The following HRNR variants were observed in gnomAD, a reference collection of about 807,000 sequenced individuals.
HRNR encodes the protein filaggrin family member 3.
HRNR carries 7 observed loss-of-function variants against 4.8 expected under a neutral mutation model. That is an observed-to-expected ratio of 1.47 (90% CI 0.83 to 2.75). The LOEUF (loss-of-function observed/expected upper bound fraction) is 2.75, where lower values mean the gene tolerates loss of function less well. HRNR is among the 30% of genes most tolerant of loss of function. HRNR has a pLI of 0.00. For missense variants in HRNR, 2,879 were observed against 3,010.4 expected, an observed-to-expected ratio of 0.96 and a Z score of 1.02; for synonymous variants, 1,023 against 1,242.7, an observed-to-expected ratio of 0.82 and a Z score of 3.72.
chr1:152,219,924 A>G lies in HRNR; in HGVS notation c.1705T>C (p.Ser569Pro), dbSNP rs756018795. Reference protein sequence around the residue: ...GPHGYGSGRSSSRGPYESGSG... With the variant: ...GPHGYGSGRSPSRGPYESGSG... ...CCAGACTCATATGGGCCACGGCTTG[A>G]AGACCTCCCTGAGCCATACCCATGT... The change falls in exon 3 of 3, where the codon TCA becomes CCA. Residue 569 changes from serine to proline, a missense_variant. This residue lies in a region of HRNR where 2,646 missense variants were observed against 1,377.7 expected (regional missense o/e 1.92). Coordinates refer to ENST00000368801, the MANE Select transcript of HRNR (RefSeq NM_001009931.3). The G allele has an allele frequency of 2.5e-6, 4 of 1,613,206 alleles. No individual in the cohort carries two copies. Among genetic ancestry groups the G allele is most frequent in the South Asian group, 1.1e-5 (1 of 91,018 alleles).
At position 152,220,914 on chromosome 1, in the gene HRNR, C is replaced by G. The variant is rs187389918; in HGVS notation, c.715G>C (p.Gly239Arg). The change falls in exon 3 of 3, where the codon GGG becomes CGG. Residue 239 changes from glycine (G) to arginine (R), a missense_variant. Physicochemically the swap from Gly to Arg is moderately radical, Grantham distance 125. Around this residue, in one of 8 missense-constraint regions of HRNR, gnomAD observed 2,646 missense variants for 1,377.7 expected, o/e 1.92. Transcript: ENST00000368801. ...TGCTGACTGTAACCAGAGGACTGCCCTGAGCTAGACTTGTGTTGACTAAAG... is the reference window on the plus strand; with the variant it reads ...TGCTGACTGTAACCAGAGGACTGCCGTGAGCTAGACTTGTGTTGACTAAAG... ...SGFSQHKSSS[G>R]QSSGYSQHGS... 2.0e-4 allele frequency: 320 copies of G among 1,614,146 alleles called. 1 individual carries two copies. In the Middle Eastern group the frequency reaches 4.9e-3, roughly 25 times the overall value.
rs368119852 is a variant in HRNR at position 152,223,137 on chromosome 1, A to G, written c.117T>C (p.Asn39=). Residue 39 remains asparagine (N), a synonymous_variant, in exon 2 of 3, where the codon AAT becomes AAC. Coordinates refer to ENST00000368801, the MANE Select transcript of HRNR (RefSeq NM_001009931.3). ...NKAELKELLE[N]EFHQILKNPN... ...TTACCTTCAGAATTTGATGAAACTC[A>G]TTTTCCAGAAGTTCTTTCAGCTCTG... The G allele has an allele frequency of 1.9e-6, 3 of 1,613,650 alleles. No homozygotes were observed. The highest frequency in any genetic ancestry group is 2.7e-5 in the African/African-American group (2 of 75,012).
chr1:152,221,056 G>A lies in HRNR; in HGVS notation c.573C>T (p.Gly191=), dbSNP rs375846138. 1.9e-6 allele frequency: 3 copies of A among 1,613,324 alleles called. No individual in the cohort carries two copies. In the African/African-American group the frequency reaches 4.0e-5, roughly 22 times the overall value. ...EQNSDSHQSS[G]RGQCGSGSGQ... is the part of the protein sequence containing the mutation. ...CTGACCCAGACCCACATTGGCCGCG[G>A]CCTGAAGACTGATGGGAGTCGGAGT... Residue 191 remains glycine (G), a synonymous_variant, in exon 3 of 3, where the codon GGC becomes GGT. Transcript: ENST00000368801.
In HRNR at chr1:152,213,174, G is replaced by A. The variant is rs768345595; in HGVS notation, c.8455C>T (p.His2819Tyr). Residue 2819 changes from histidine to tyrosine, a missense_variant, in exon 3 of 3, where the codon CAT (histidine) becomes TAT (tyrosine). This residue lies in a region of HRNR where 158 missense variants were observed against 107.6 expected (regional missense o/e 1.47). Transcript: ENST00000368801. ...GYSYCKGGSNHDGGSSGSYFL... is the reference protein window; with the variant it reads ...GYSYCKGGSNYDGGSSGSYFL... ...TATGAGCCAGAACTTCCCCCATCATGGTTACTTCCTCCTTTGCAATAAGAA... is the reference window on the plus strand; with the variant it reads ...TATGAGCCAGAACTTCCCCCATCATAGTTACTTCCTCCTTTGCAATAAGAA... The A allele has an allele frequency of 1.2e-6, 2 of 1,614,064 alleles. No individual in the cohort carries two copies. The highest frequency in any genetic ancestry group is 4.5e-5 in the East Asian group (2 of 44,894).
chr1:152,220,220 G>A lies in HRNR; in HGVS notation c.1409C>T (p.Ser470Phe). The part of the protein sequence containing the change: ...GYSSGFGHHE[S>F]SSEHSSGYTQ... ...GTAACCAGAGGAATGCTCTGAGCTA[G>A]ACTCGTGGTGACCAAAGCCAGAAGA... The change falls in exon 3 of 3, where the codon TCT becomes TTT. Residue 470 changes from serine (S) to phenylalanine (F), a missense_variant. Around this residue, in one of 8 missense-constraint regions of HRNR, gnomAD observed 2,646 missense variants for 1,377.7 expected, o/e 1.92. Coordinates refer to ENST00000368801, the MANE Select transcript of HRNR (RefSeq NM_001009931.3). 6.2e-7 allele frequency: 1 copy of A among 1,613,922 alleles called. No homozygotes were observed. The highest frequency in any genetic ancestry group is 8.5e-7 in the Non-Finnish European group (1 of 1,179,854).
rs764393559 is a variant in HRNR at position 152,218,721 on chromosome 1, T to C, written c.2908A>G (p.Ser970Gly). Reference protein sequence around the residue: ...HGSRSGQSSRSEQHGSSSGSS... With the variant: ...HGSRSGQSSRGEQHGSSSGSS... ...CCTGAGCTAGATCCATGTTGTTCGC[T>C]CCTAGATGACTGTCCTGACCTAGAG... Residue 970 changes from serine to glycine, a missense_variant, in exon 3 of 3, where the codon AGC (serine) becomes GGC (glycine). Transcript: ENST00000368801. The C allele has an allele frequency of 2.8e-5, 45 of 1,611,410 alleles. No homozygotes were observed. Among genetic ancestry groups the C allele is most frequent in the East Asian group, 1.8e-4 (8 of 44,596 alleles).
rs2101593825 is a variant in HRNR, at chr1:152,219,229, A to T, written c.2400T>A (p.Cys800Ter). 6.2e-7 allele frequency: 1 copy of T among 1,612,938 alleles called. No homozygotes were observed. The highest frequency in any genetic ancestry group is 8.5e-7 in the Non-Finnish European group (1 of 1,179,718). ...ACTCATAATGGCCACAGCTGGAAGA[A>T]CAACTTGTGCCAGACCCGTGTTGGC... ...SHGQHGSGTS[C>*]SSSCGHYESG... The change falls in exon 3 of 3, where the codon TGT becomes TGA. Residue 800 changes from cysteine to a stop codon, truncating the protein, a stop_gained. Coordinates refer to ENST00000368801, the MANE Select transcript of HRNR (RefSeq NM_001009931.3). LOFTEE classifies it low-confidence loss of function (END_TRUNC).
rs566404141 is a variant in HRNR, at chr1:152,212,814, C to G, written c.*262G>C. On this transcript the variant is annotated 3_prime_UTR_variant, in exon 3 of 3. Transcript: ENST00000368801. ...GCTCTTTAAAAGCTTTTCATTATTC[C>G]TCAAAGTTTAACCCTCATTCTAACA... 1 of 524,448 alleles carries G rather than the reference C, an allele frequency of 1.9e-6. No homozygotes were observed. The highest frequency in any genetic ancestry group is 3.3e-6 in the Non-Finnish European group (1 of 303,158). 32.5% of individuals were successfully genotyped at this position (524,448 alleles called of 1,614,324 possible).
chr1:152,221,242 A>T lies in HRNR; in HGVS notation c.387T>A (p.His129Gln), dbSNP rs1455636570. ...CATTCTCTCCTGCACTCCAACTTGA[A>T]TGACTAAAAGAGGATTCTTGCCGTT... ...ENKRQESSFS[H>Q]SSWSAGENDS... Residue 129 changes from histidine to glutamine, a missense_variant, in exon 3 of 3, where the codon CAT (histidine) becomes CAA (glutamine). Physicochemically the swap from His to Gln is conservative, Grantham distance 24. Around this residue, in one of 8 missense-constraint regions of HRNR, gnomAD observed 2,646 missense variants for 1,377.7 expected, o/e 1.92. Transcript: ENST00000368801. The T allele has an allele frequency of 1.2e-6, 2 of 1,614,028 alleles. No individual in the cohort carries two copies. The highest frequency in any genetic ancestry group is 2.7e-5 in the African/African-American group (2 of 74,950).
rs776233375 is a variant in HRNR at position 152,221,377 on chromosome 1, A to G, written c.252T>C (p.Ala84=). The stretch of plus-strand genomic sequence containing the variant: ...AATCTTTGCCAATGATTTTATTACG[A>G]GCCTGAACCAGCTTGAATATCATCA... ...YLLMIFKLVQ[A]RNKIIGKDYC... The change falls in exon 3 of 3, where the codon GCT becomes GCC. Residue 84 remains alanine (A), a synonymous_variant. Coordinates refer to ENST00000368801, the MANE Select transcript of HRNR (RefSeq NM_001009931.3). 4 of 1,613,820 alleles carry G rather than the reference A, an allele frequency of 2.5e-6. No homozygotes were observed. The East Asian group carries it at 8.9e-5, about 36-fold the overall frequency.
rs772069386 is a variant in HRNR at position 152,220,950 on chromosome 1, G to C, written c.679C>G (p.Gln227Glu). 3.5e-5 allele frequency: 57 copies of C among 1,612,302 alleles called. No individual in the cohort carries two copies. Among genetic ancestry groups the C allele is most frequent in the Non-Finnish European group, 4.2e-5 (50 of 1,178,368 alleles). The change falls in exon 3 of 3, where the codon CAG becomes GAG. Residue 227 changes from glutamine to glutamate, a missense_variant. This residue lies in a region of HRNR where 2,646 missense variants were observed against 1,377.7 expected (regional missense o/e 1.92). Transcript: ENST00000368801. ...TTGTGTTGACTAAAGCCAGAAGACTGGCCTGAGCCAGACCCATGTGTGTCA... is the reference window on the plus strand; with the variant it reads ...TTGTGTTGACTAAAGCCAGAAGACTCGCCTGAGCCAGACCCATGTGTGTCA... ...SNDTHGSGSG[Q>E]SSGFSQHKSS...
rs763111095 is a variant in HRNR at position 152,218,529 on chromosome 1, A to G, written c.3100T>C (p.Ser1034Pro). 2 of 1,613,570 alleles carry G rather than the reference A, an allele frequency of 1.2e-6. No individual in the cohort carries two copies. Among genetic ancestry groups the G allele is most frequent in the East Asian group, 2.2e-5 (1 of 44,790 alleles). The change falls in exon 3 of 3, where the codon TCT becomes CCT. Residue 1034 changes from serine (S) to proline (P), a missense_variant. This residue lies in a region of HRNR where 2,646 missense variants were observed against 1,377.7 expected (regional missense o/e 1.92). Transcript: ENST00000368801. ...GACTCATATGGGCCACGGCTTGAAG[A>G]CCACCCTGAGCCAGACCTATATGGG... Reference protein sequence around the residue: ...YGPYRSGSGWSSSRGPYESGS... With the variant: ...YGPYRSGSGWPSSRGPYESGS...
Position 152,218,300 on chromosome 1 carries a change from C to T in HRNR, c.3329G>A (p.Ser1110Asn). ...SSHGQHGSGS[S>N]QSSGYGRQGS... ...CTGTCGGCCATAGCCAGAAGACTGACTTGAGCCAGAGCCATGCTGACCGTG... is the reference window on the plus strand; with the variant it reads ...CTGTCGGCCATAGCCAGAAGACTGATTTGAGCCAGAGCCATGCTGACCGTG... The change falls in exon 3 of 3, where the codon AGT (serine) becomes AAT (asparagine). Residue 1110 changes from serine to asparagine, a missense_variant. Ser to Asn is a conservative substitution (Grantham distance 46, BLOSUM62 1). Coordinates refer to ENST00000368801, the MANE Select transcript of HRNR (RefSeq NM_001009931.3). The T allele has an allele frequency of 6.2e-7, 1 of 1,606,196 alleles. No homozygotes were observed. Among genetic ancestry groups the T allele is most frequent in the East Asian group, 2.3e-5 (1 of 44,376 alleles).
At chr1:152,222,997 C>G (rs766444947) in intron 2 of HRNR, 119 bp downstream of exon 2, 1 of 1,034,836 alleles carries the variant, frequency 9.7e-7, no homozygotes, top group Non-Finnish European at 1.4e-6. Context: ...TTACCAAACC[C>G]TGTTCTCTCT....
rs1281443173 is a variant in HRNR, at chr1:152,219,882, C to T, written c.1747G>A (p.Gly583Ser). The change falls in exon 3 of 3, where the codon GGC becomes AGC. Residue 583 changes from glycine to serine, a missense_variant. Physicochemically the swap from Gly to Ser is moderately conservative, Grantham distance 56. This residue lies in a region of HRNR where 2,646 missense variants were observed against 1,377.7 expected (regional missense o/e 1.92). Transcript: ENST00000368801. ...GAGCGAGACTCTTGGTGACCTAAGCCAGAAGAGTGACCGGAGCCAGACTCA... is the reference window on the plus strand; with the variant it reads ...GAGCGAGACTCTTGGTGACCTAAGCTAGAAGAGTGACCGGAGCCAGACTCA... ...PYESGSGHSS[G>S]LGHQESRSGQ... 3.1e-6 allele frequency: 5 copies of T among 1,613,722 alleles called. No homozygotes were observed. The East Asian group carries it at 8.9e-5, about 29-fold the overall frequency.
rs760056100 is a variant in HRNR, at chr1:152,220,908, A to G, written c.721T>C (p.Ser241Pro). 2 of 1,614,094 alleles carry G rather than the reference A, an allele frequency of 1.2e-6. No homozygotes were observed. Among genetic ancestry groups the G allele is most frequent in the Admixed American group, 3.3e-5 (2 of 60,024 alleles). ...GATCCATGCTGACTGTAACCAGAGG[A>G]CTGCCCTGAGCTAGACTTGTGTTGA... ...FSQHKSSSGQ[S>P]SGYSQHGSGS... The change falls in exon 3 of 3, where the codon TCC becomes CCC. Residue 241 changes from serine (S) to proline (P), a missense_variant. Physicochemically the swap from Ser to Pro is moderately conservative, Grantham distance 74 (BLOSUM62 -1). This residue lies in a region of HRNR where 2,646 missense variants were observed against 1,377.7 expected (regional missense o/e 1.92). Coordinates refer to ENST00000368801, the MANE Select transcript of HRNR (RefSeq NM_001009931.3).
In HRNR at chr1:152,219,642, C is replaced by T. The variant is rs552018177; in HGVS notation, c.1987G>A (p.Gly663Ser). The change falls in exon 3 of 3, where the codon GGC becomes AGC. Residue 663 changes from glycine to serine, a missense_variant. Gly to Ser is a moderately conservative substitution (Grantham distance 56, BLOSUM62 0). Transcript: ENST00000368801. Reference sequence around the variant, plus strand: ...TGCCCAAAATCGGACCCATGTCGGCCGCGACTAGGAGACTGGCCAGATCCA... The same window carrying T: ...TGCCCAAAATCGGACCCATGTCGGCTGCGACTAGGAGACTGGCCAGATCCA... Reference protein sequence around the residue: ...GSGSGQSPSRGRHGSDFGHSS... With the variant: ...GSGSGQSPSRSRHGSDFGHSS... 58 of 1,612,828 alleles carry T rather than the reference C, an allele frequency of 3.6e-5. No homozygotes were observed. Among genetic ancestry groups the T allele is most frequent in the South Asian group, 8.8e-5 (8 of 91,014 alleles).
Position 152,219,093 on chromosome 1 carries a change from A to T in HRNR, c.2536T>A (p.Ser846Thr). The T allele has an allele frequency of 6.2e-7, 1 of 1,613,598 alleles. No individual in the cohort carries two copies. ...GHFSSQGRHG[S>T]TSGQSSSSGQ... is the part of the protein sequence containing the mutation. ...GAGCTTGATGACTGCCCTGACGTAG[A>T]TCCATGTCGTCCCTGGCTAGAGAAG... is the stretch of plus-strand genomic sequence containing the variant. Residue 846 changes from serine (S) to threonine (T), a missense_variant, in exon 3 of 3, where the codon TCT (serine) becomes ACT (threonine). Around this residue, in one of 8 missense-constraint regions of HRNR, gnomAD observed 2,646 missense variants for 1,377.7 expected, o/e 1.92. Coordinates refer to ENST00000368801, the MANE Select transcript of HRNR (RefSeq NM_001009931.3).
rs1648774185 is a variant in HRNR, at chr1:152,218,772, G to C, written c.2857C>G (p.His953Asp). Residue 953 changes from histidine to aspartate, a missense_variant, in exon 3 of 3, where the codon CAC becomes GAC. His to Asp is a moderately conservative substitution (Grantham distance 81, BLOSUM62 -1). This residue lies in a region of HRNR where 2,646 missense variants were observed against 1,377.7 expected (regional missense o/e 1.92). Coordinates refer to ENST00000368801, the MANE Select transcript of HRNR (RefSeq NM_001009931.3). Reference protein sequence around the residue: ...GYTQHGSGSGHSSSYEQHGSR... With the variant: ...GYTQHGSGSGDSSSYEQHGSR... The stretch of plus-strand genomic sequence containing the variant: ...CCGTGTTGTTCGTAGCTGGAGGAGT[G>C]ACCTGAGCCAGATCCATGCTGAGTG... 1 of 1,613,646 alleles carries C rather than the reference G, an allele frequency of 6.2e-7. No homozygotes were observed.
Sources: gnomAD v4.1 joint callset for allele counts on GRCh38, gnomAD v4.1.1 for gene constraint, gnomAD v4.1.1 regional missense constraint, MANE v1.5 for transcripts, NCBI Gene and HGNC (gene_info 2026-07-23, HGNC 2026-07-21) for gene names.